The following SYNPR variants were observed in gnomAD, a reference collection of about 807,000 sequenced individuals.
SYNPR encodes the protein synaptoporin.
In SYNPR, 23 loss-of-function variants were observed where a neutral mutation model predicts 32.9. The ratio of observed to expected loss-of-function variants is 0.70; its 90% CI spans 0.50 to 0.99. The LOEUF (loss-of-function observed/expected upper bound fraction) is 0.99. Ranked by LOEUF, SYNPR falls within the 50% of genes least tolerant of loss-of-function variation. The pLI is 0.00. For synonymous variants in SYNPR, 146 were observed against 135.9 expected (o/e 1.07, Z -0.52); for missense variants, 318 against 349.3 (o/e 0.91, Z 0.71).
chr3:63,586,787 G>A (rs557874205), intron 4 of SYNPR, among the ~76,000 whole-genome samples: 55 of 151,714 alleles, frequency 3.6e-4, no homozygotes, highest in African/African-American at 1.2e-3. Flanking sequence ...AGTCCTATGC[G>A]CAAGGACCTC....
At chr3:63,302,472 G>A (rs985247480) in intron 2 of SYNPR, among the ~76,000 whole-genome samples, 6 of 152,074 alleles carry the variant, frequency 3.9e-5, no homozygotes, top group African/African-American at 7.2e-5. Context: ...TGGATTATAA[G>A]TTGCAGAAAC....
At chr3:63,598,957 G>C (rs1211744716) in intron 4 of SYNPR, among the ~76,000 whole-genome samples, 1 of 152,174 alleles carries the variant, frequency 6.6e-6, no homozygotes, top group African/African-American at 2.4e-5. Flanking sequence ...CACTTCTCAA[G>C]TGTGAGCCAT....
intron 3 of SYNPR, among the ~76,000 whole-genome samples, chr3:63,554,549 A>G (rs1478057185): frequency 2.6e-5 from 4 of 152,138 alleles, no homozygotes; most frequent in East Asian, 3.9e-4. Flanking sequence ...TGAGTTTTTT[A>G]TCCTGTTCCA....
intron 2 of SYNPR, among the ~76,000 whole-genome samples, chr3:63,430,986 C>G (rs1699982945): frequency 6.6e-6 from 1 of 152,162 alleles, no homozygotes; most frequent in Non-Finnish European, 1.5e-5. Context: ...TCATGAATCC[C>G]CCACAGGGAA....
intron 2 of SYNPR, among the ~76,000 whole-genome samples, chr3:63,475,721 C>T (rs1310631562): frequency 6.6e-6 from 1 of 152,130 alleles, no homozygotes; most frequent in Non-Finnish European, 1.5e-5. Flanking sequence ...CACCAACCCC[C>T]TCACACTGTC....
intron 2 of SYNPR, among the ~76,000 whole-genome samples, chr3:63,293,340 T>C (rs934732508): frequency 1.3e-5 from 2 of 152,164 alleles, no homozygotes; most frequent in Non-Finnish European, 1.5e-5. Context: ...GGACATGCTA[T>C]GTAGAGCCGT....
At chr3:63,497,131 G>C (rs1326368660) in intron 3 of SYNPR, among the ~76,000 whole-genome samples, 1 of 152,002 alleles carries the variant, frequency 6.6e-6, no homozygotes, top group Non-Finnish European at 1.5e-5. Context: ...TTAGAATTAA[G>C]GTCTCTTAAT....
At chr3:63,459,593 T>A (rs1373942367) in intron 2 of SYNPR, among the ~76,000 whole-genome samples, 2 of 152,122 alleles carry the variant, frequency 1.3e-5, no homozygotes, top group African/African-American at 4.8e-5. Flanking sequence ...CTGGACAGGG[T>A]ATGGGCAAAA....
chr3:63,388,493 T>C (rs2088085049), intron 2 of SYNPR, among the ~76,000 whole-genome samples: 1 of 148,634 alleles, frequency 6.7e-6, no homozygotes, highest in African/African-American at 2.5e-5. Context: ...GTTCAAGCGA[T>C]TCTCCTGCCT....
chr3:63,404,753 A>C (rs910044726), intron 2 of SYNPR, among the ~76,000 whole-genome samples: 1 of 152,136 alleles, frequency 6.6e-6, no homozygotes, highest in African/African-American at 2.4e-5. Context: ...TTATCCTATT[A>C]TTATTTTGAA....
At chr3:63,374,547 C>T (rs1460983783) in intron 2 of SYNPR, among the ~76,000 whole-genome samples, 1 of 152,032 alleles carries the variant, frequency 6.6e-6, no homozygotes, top group Non-Finnish European at 1.5e-5. Flanking sequence ...CACAGTTTAC[C>T]TATATAACAC....
At chr3:63,605,970 G>T (rs547225989) in intron 4 of SYNPR, among the ~76,000 whole-genome samples, 1 of 152,144 alleles carries the variant, frequency 6.6e-6, no homozygotes, top group Non-Finnish European at 1.5e-5. Context: ...GCTTTTATTC[G>T]TGATATAAAA....
At chr3:63,416,775 A>AC (rs1277967541) in intron 2 of SYNPR, among the ~76,000 whole-genome samples, 3 of 151,858 alleles carry the variant, frequency 2.0e-5, no homozygotes, top group African/African-American at 7.3e-5. Context: ...GTGCAGGAAA[A>AC]TTCCCCCCTG....
At chr3:63,576,701 G>A (rs1005270832) in intron 4 of SYNPR, among the ~76,000 whole-genome samples, 2 of 149,794 alleles carry the variant, frequency 1.3e-5, no homozygotes, top group African/African-American at 4.9e-5. Flanking sequence ...TGAGGCAGGA[G>A]AATCACTTGA....
At chr3:63,390,338 C>T (rs1275508135) in intron 2 of SYNPR, among the ~76,000 whole-genome samples, 1 of 152,074 alleles carries the variant, frequency 6.6e-6, no homozygotes, top group Non-Finnish European at 1.5e-5. Flanking sequence ...GGCAGGGAAC[C>T]CAGGAAAGGA....
intron 2 of SYNPR, among the ~76,000 whole-genome samples, chr3:63,421,435 A>G (rs1699796476): frequency 1.3e-5 from 2 of 151,794 alleles, no homozygotes; most frequent in South Asian, 4.2e-4. Context: ...TCTGATAAAC[A>G]AAAAGATGGA....
chr3:63,516,378 A>C (rs1701800769), intron 3 of SYNPR, among the ~76,000 whole-genome samples: 1 of 152,294 alleles, frequency 6.6e-6, no homozygotes, highest in Admixed American at 6.5e-5. Flanking sequence ...GCTTCTTGTA[A>C]GCAAAGTCCT....
At chr3:63,530,390 G>A (rs1047237937) in intron 3 of SYNPR, among the ~76,000 whole-genome samples, 10 of 152,218 alleles carry the variant, frequency 6.6e-5, no homozygotes, top group African/African-American at 2.2e-4. Flanking sequence ...CAAGTGGAAG[G>A]AGATGTAGGA....
rs1700160700 is a variant in SYNPR, at chr3:63,609,011, T to C, written c.409-114T>C. 16 of 906,064 alleles carry C rather than the reference T, an allele frequency of 1.8e-5. No individual in the cohort carries two copies. The South Asian group carries it at 2.7e-4, about 15-fold the overall frequency. The allele number at this position is 906,064 out of a possible 1,614,324, so 56.1% of individuals were successfully genotyped here. On this transcript the variant is annotated intron_variant, in intron 4 of 5. Coordinates refer to ENST00000478300, the MANE Select transcript of SYNPR (RefSeq NM_001130003.2). ...TAAATGTTTTCCTTGTTTCCAGTGC[T>C]ATGGGATCTTAAAATTTTCCAAAAG...
Sources: allele counts gnomAD v4.1 joint callset (sites outside exome capture counted in the v4.1 genomes callset), GRCh38; gene constraint gnomAD v4.1.1; transcripts MANE v1.5; gene names NCBI Gene and HGNC (gene_info 2026-07-23, HGNC 2026-07-21).